RALYL: variants seen among roughly 807,000 people sequenced by gnomAD.
RALYL encodes RALY RNA binding protein like, also known as RNA-binding Raly-like protein.
A neutral mutation model predicts 35.1 loss-of-function variants in RALYL; 29 were observed. That is an observed-to-expected ratio of 0.83 (90% CI 0.61 to 1.13). The LOEUF (loss-of-function observed/expected upper bound fraction) is 1.13, where lower values mean the gene tolerates loss of function less well. RALYL is among the 50% of genes most tolerant of loss of function. The probability of loss-of-function intolerance (pLI) is 0.00; values close to 1 mark genes in which losing one functional copy is unlikely to be tolerated. For missense variants in RALYL, 359 were observed against 360.4 expected, an observed-to-expected ratio of 1.00 and a Z score of 0.03; for synonymous variants, 120 against 127.6, an observed-to-expected ratio of 0.94 and a Z score of 0.40.
At chr8:84,720,803 CAATG>C (rs1843753670) in intron 2 of RALYL, among the ~76,000 whole-genome samples, 1 of 150,982 alleles carries the variant, frequency 6.6e-6, no homozygotes, top group East Asian at 1.9e-4. Flanking sequence ...CAAAAAAAAA[CAATG>C]TGATTAATAA....
At chr8:84,239,149 C>A (rs13261650) in intron 1 of RALYL, among the ~76,000 whole-genome samples, 74,485 of 151,898 alleles carry the variant, frequency 0.49, 18,566 homozygotes, top group South Asian at 0.58. Context: ...ATGGTTTGAC[C>A]ATTCCATGGT....
chr8:84,350,664 A>G (rs754941312), intron 1 of RALYL, among the ~76,000 whole-genome samples: 3 of 150,392 alleles, frequency 2.0e-5, no homozygotes, highest in Admixed American at 6.6e-5. Flanking sequence ...TACAGTGACA[A>G]GAGGCCCCTT....
chr8:84,284,618 A>C (rs1837251203), intron 1 of RALYL, among the ~76,000 whole-genome samples: 1 of 152,158 alleles, frequency 6.6e-6, no homozygotes, highest in Non-Finnish European at 1.5e-5. Context: ...TTTTCACTGG[A>C]AAGGATTCAT....
At chr8:84,837,555 A>G (rs75350156) in intron 4 of RALYL, among the ~76,000 whole-genome samples, 6,717 of 152,262 alleles carry the variant, frequency 0.044, 469 homozygotes, top group African/African-American at 0.15. Context: ...GATAAAATTG[A>G]TTACGTATAT....
At chr8:84,881,133 T>G (rs900493962) in intron 7 of RALYL, among the ~76,000 whole-genome samples, 1 of 151,946 alleles carries the variant, frequency 6.6e-6, no homozygotes. Flanking sequence ...CCTCCAAAAA[T>G]GTACTCACAT....
chr8:84,249,962 A>T (rs1185928277), intron 1 of RALYL, among the ~76,000 whole-genome samples: 1 of 152,016 alleles, frequency 6.6e-6, no homozygotes, highest in African/African-American at 2.4e-5. Context: ...TTAGTAAGTA[A>T]AGTATTTTGA....
intron 1 of RALYL, among the ~76,000 whole-genome samples, chr8:84,392,410 T>G (rs73300756): frequency 0.028 from 4,303 of 151,974 alleles, 198 homozygotes; most frequent in African/African-American, 0.098. Flanking sequence ...CTATTGAAGA[T>G]ATTTCCATAT....
chr8:84,558,491 C>A (rs1348181382), intron 2 of RALYL, among the ~76,000 whole-genome samples: 1 of 151,972 alleles, frequency 6.6e-6, no homozygotes, highest in African/African-American at 2.4e-5. Flanking sequence ...TAGGGCATTT[C>A]TTTGTATTTC....
chr8:84,681,461 A>ATTGATTC (rs201713901), intron 2 of RALYL, among the ~76,000 whole-genome samples: 44,068 of 151,226 alleles, frequency 0.29, 7,035 homozygotes, highest in African/African-American at 0.43. Context: ...TTTTCACTGT[A>ATTGATTC]TTCCTATCCA....
chr8:84,781,401 T>C (rs772621484), intron 3 of RALYL, among the ~76,000 whole-genome samples: 4 of 152,228 alleles, frequency 2.6e-5, no homozygotes, highest in Non-Finnish European at 4.4e-5. Flanking sequence ...CTGCGGGCAA[T>C]TCTCTCTGCT....
intron 2 of RALYL, among the ~76,000 whole-genome samples, chr8:84,652,892 GGATTATTTAATCAAGATTCA>G (rs1298394626): frequency 6.6e-6 from 1 of 151,852 alleles, no homozygotes; most frequent in Non-Finnish European, 1.5e-5. Context: ...TAAGAAACCA[GGATTATTTAATCAAGATTCA>G]GACATTGCAT....
intron 1 of RALYL, among the ~76,000 whole-genome samples, chr8:84,308,570 C>G (rs1190307561): frequency 6.6e-6 from 1 of 152,018 alleles, no homozygotes; most frequent in Non-Finnish European, 1.5e-5. Context: ...TTAATGCATG[C>G]TAGGGAGTGA....
chr8:84,318,148 T>TC (rs141312032), intron 1 of RALYL, among the ~76,000 whole-genome samples: 7,407 of 152,194 alleles, frequency 0.049, 285 homozygotes, highest in African/African-American at 0.088. Flanking sequence ...GGGCTTCTGT[T>TC]AAAGACGTAT....
intron 2 of RALYL, among the ~76,000 whole-genome samples, chr8:84,740,063 A>C (rs937954200): frequency 6.6e-6 from 1 of 152,024 alleles, no homozygotes. Context: ...CCTAAGAATA[A>C]AAGTCTGATG....
chr8:84,202,476 A>G (rs562505094), intron 1 of RALYL, among the ~76,000 whole-genome samples: 4 of 150,070 alleles, frequency 2.7e-5, no homozygotes, highest in East Asian at 2.0e-4. Flanking sequence ...GGGTTCAAGC[A>G]ATTCTCTGCC....
At chr8:84,357,880 A>G (rs9632839) in intron 1 of RALYL, among the ~76,000 whole-genome samples, 8,665 of 151,078 alleles carry the variant, frequency 0.057, 277 homozygotes, top group Middle Eastern at 0.092. Context: ...TACCTGAGAA[A>G]AAATAAATTT....
At chr8:84,342,507 G>A (rs902685990) in intron 1 of RALYL, among the ~76,000 whole-genome samples, 9 of 151,120 alleles carry the variant, frequency 6.0e-5, no homozygotes, top group East Asian at 5.9e-4. Context: ...TTGAAGAAGC[G>A]AATTTCTATT....
intron 1 of RALYL, among the ~76,000 whole-genome samples, chr8:84,298,897 G>C (rs1840264572): frequency 6.6e-6 from 1 of 151,940 alleles, no homozygotes; most frequent in Non-Finnish European, 1.5e-5. Context: ...ACTGTATTTT[G>C]TACATTGGTT....
At chr8:84,209,821 AC>A (rs1433280076) in intron 1 of RALYL, among the ~76,000 whole-genome samples, 1 of 152,140 alleles carries the variant, frequency 6.6e-6, no homozygotes, top group Non-Finnish European at 1.5e-5. Context: ...ATCCCCAACT[AC>A]ATGTGTATGT....
Sources: gnomAD v4.1 joint callset for allele counts (sites outside exome capture counted in the v4.1 genomes callset) on GRCh38, gnomAD v4.1.1 for gene constraint, MANE v1.5 for transcripts, NCBI Gene and HGNC (gene_info 2026-07-23, HGNC 2026-07-21) for gene names.